Variants in DMD observed in about 807,000 individuals in gnomAD.
DMD encodes dystrophin.
A neutral mutation model predicts 330.1 loss-of-function variants in DMD; 63 were observed. That is an observed-to-expected ratio of 0.19 (90% CI 0.16 to 0.24). DMD has a LOEUF of 0.24. Among genes scored for constraint, DMD ranks in the 10% least tolerant of loss-of-function variants. The pLI is 1.00. For synonymous variants in DMD, 1,223 were observed against 959.8 expected, an observed-to-expected ratio of 1.27 and a Z score of -5.07; for missense variants, 3,344 against 2,684.1, an observed-to-expected ratio of 1.25 and a Z score of -5.43.
intron 41 of DMD, among the ~76,000 whole-genome samples, chrX:32,313,664 C>G (rs1165885500): frequency 9.0e-6 from 1 of 111,605 alleles, no homozygotes; most frequent in Non-Finnish European, 1.9e-5. Context: ...ATCGTCTCAG[C>G]CCAAAAACTC....
intron 52 of DMD, among the ~76,000 whole-genome samples, chrX:31,702,256 T>C (rs2083865799): frequency 8.9e-6 from 1 of 112,037 alleles, no homozygotes; most frequent in Non-Finnish European, 1.9e-5. Context: ...GTATGTATAT[T>C]GCTTCATTTA....
At chrX:32,425,766 AAC>A (rs1290022804) in intron 29 of DMD, among the ~76,000 whole-genome samples, 2 of 111,420 alleles carry the variant, frequency 1.8e-5, no homozygotes, top group Admixed American at 1.9e-4. Context: ...TAACCAAAAC[AAC>A]ACAGTACTGG....
intron 7 of DMD, among the ~76,000 whole-genome samples, chrX:32,702,782 C>T (rs916202369): frequency 8.1e-5 from 9 of 110,911 alleles, no homozygotes; most frequent in African/African-American, 2.9e-4. Context: ...TAAGATGGAT[C>T]AAAAATGACT....
At chrX:31,571,392 AT>A (rs1569552097) in intron 55 of DMD, among the ~76,000 whole-genome samples, 1 of 94,350 alleles carries the variant, frequency 1.1e-5, no homozygotes, top group Non-Finnish European at 2.1e-5. Flanking sequence ...GATGCCTCAA[AT>A]TTAGCATGTT....
chrX:32,380,064 G>C (rs2097918657), intron 34 of DMD, among the ~76,000 whole-genome samples: 1 of 111,436 alleles, frequency 9.0e-6, no homozygotes. Context: ...GATAGCCCCT[G>C]CATAGACACC....
intron 1 of DMD, among the ~76,000 whole-genome samples, chrX:33,116,477 C>A (rs1404870284): frequency 9.0e-6 from 1 of 110,719 alleles, no homozygotes; most frequent in Non-Finnish European, 1.9e-5. Flanking sequence ...CACTGCACTC[C>A]ATCCTGGATG....
At chrX:31,833,299 AGGGAGAGAGG>A (rs2093103233) in intron 49 of DMD, among the ~76,000 whole-genome samples, 4 of 18,826 alleles carry the variant, frequency 2.1e-4, no homozygotes, top group East Asian at 2.7e-3. Context: ...AGAGGGAGAG[AGGGAGAGAGG>A]GAGAGAGGGA....
intron 44 of DMD, among the ~76,000 whole-genome samples, chrX:32,058,420 C>A (rs1322015207): frequency 9.1e-6 from 1 of 109,828 alleles, no homozygotes; most frequent in Non-Finnish European, 1.9e-5. Flanking sequence ...TTAAAGTGAA[C>A]AAAGGAATTG....
rs758404687 is a variant in DMD, at chrX:32,809,616, AACACAT to A, written c.531-11_531-6del. On this transcript the variant is annotated splice_polypyrimidine_tract_variant and splice_region_variant and intron_variant, in intron 6 of 78. Coordinates refer to ENST00000357033, the MANE Select transcript of DMD (RefSeq NM_004006.3). ...TTCCAGTCAAATAGGTCTGGCCTAAAACACATACACATACACACATACACAAAGACA... is the reference window on the plus strand; with the variant it reads ...TTCCAGTCAAATAGGTCTGGCCTAAAACACATACACACATACACAAAGACA... 3.6e-5 allele frequency: 43 copies of A among 1,182,658 alleles called. No individual in the cohort carries two copies. The highest frequency in any genetic ancestry group is 7.1e-5 in the African/African-American group (4 of 56,425).
chrX:32,693,292 G>A (rs1300921589), intron 9 of DMD, among the ~76,000 whole-genome samples: 1 of 112,211 alleles, frequency 8.9e-6, no homozygotes, highest in East Asian at 2.8e-4. Flanking sequence ...CTGAACTAAA[G>A]AACTGTAAAA....
intron 43 of DMD, among the ~76,000 whole-genome samples, chrX:32,228,398 T>A (rs2097155926): frequency 9.0e-6 from 1 of 111,036 alleles, no homozygotes; most frequent in African/African-American, 3.3e-5. Flanking sequence ...TCTGAAAAAA[T>A]ATGTAGGATT....
intron 17 of DMD, among the ~76,000 whole-genome samples, chrX:32,544,221 A>G (rs1247056453): frequency 9.0e-6 from 1 of 111,539 alleles, no homozygotes; most frequent in Non-Finnish European, 1.9e-5. Flanking sequence ...ATAAGTCATT[A>G]GTTAATAGAG....
intron 1 of DMD, among the ~76,000 whole-genome samples, chrX:33,037,967 C>T (rs2094232878): frequency 8.9e-6 from 1 of 111,953 alleles, no homozygotes; most frequent in Non-Finnish European, 1.9e-5. Flanking sequence ...CAAAATGGCA[C>T]TATCAATATA....
chrX:31,377,343 T>C (rs1469549218), intron 60 of DMD, among the ~76,000 whole-genome samples: 3 of 111,920 alleles, frequency 2.7e-5, no homozygotes, highest in East Asian at 5.6e-4. Context: ...ATTAGGGTGT[T>C]TGTGAACTGA....
rs188695896 is a variant in DMD, at chrX:31,329,271, G to A, written c.9164-5613C>T. On this transcript the variant is annotated intron_variant, in intron 61 of 78. Coordinates refer to ENST00000357033, the MANE Select transcript of DMD (RefSeq NM_004006.3). ...GTACTAGAATCATAGCAGATGCTATGAGAATGGCTGGACTCTTTAAGGAAG... is the reference window on the plus strand; with the variant it reads ...GTACTAGAATCATAGCAGATGCTATAAGAATGGCTGGACTCTTTAAGGAAG... Among the ~76,000 whole-genome samples, 55 of 111,879 alleles carry A rather than the reference G, an allele frequency of 4.9e-4. 1 individual carries two copies. Among genetic ancestry groups the A allele is most frequent in the African/African-American group, 1.8e-3 (54 of 30,780 alleles).
chrX:31,126,803 G>GAAAAAAAAAAAA (rs58738809), intron 77 of DMD, 130 bp from the exon 78 acceptor site: 2 of 254,634 alleles, frequency 7.9e-6, no homozygotes, highest in Admixed American at 6.8e-5. Context: ...TTCTCTGCTG[G>GAAAAAAAAAAAA]AAAAAAAAAA....
intron 7 of DMD, among the ~76,000 whole-genome samples, chrX:32,735,281 G>C (rs1410190905): frequency 1.8e-5 from 2 of 110,240 alleles, no homozygotes; most frequent in Admixed American, 9.6e-5. Context: ...CAAACAAATG[G>C]AAGAACATTC....
intron 16 of DMD, among the ~76,000 whole-genome samples, chrX:32,549,481 T>G (rs1007865525): frequency 1.8e-5 from 2 of 111,192 alleles, no homozygotes; most frequent in Non-Finnish European, 3.8e-5. Context: ...GCCCACAAAT[T>G]ATGTAGCCAG....
chrX:32,485,052 T>C lies in DMD; in HGVS notation c.2670A>G (p.Leu890=). 1 of 1,211,720 alleles carries C rather than the reference T, an allele frequency of 8.3e-7. No homozygotes were observed. The change falls in exon 21 of 79, where the codon TTA becomes TTG. Residue 890 remains leucine (L), a synonymous_variant. Coordinates refer to ENST00000357033, the MANE Select transcript of DMD (RefSeq NM_004006.3). ...CTTTCAGGGCTATGCTTTGAATTTT[T>C]AATCGTTCAATTTGAGGTTGAAGAT... ...LSDLQPQIER[L]KIQSIALKEK... is the part of the protein sequence containing the mutation.
Sources: gnomAD v4.1 joint callset for allele counts (sites outside exome capture counted in the v4.1 genomes callset) on GRCh38, gnomAD v4.1.1 for gene constraint, MANE v1.5 for transcripts, NCBI Gene and HGNC (gene_info 2026-07-23, HGNC 2026-07-21) for gene names.